Variants in NR2F1-AS1 observed in about 807,000 individuals in gnomAD.
The protein encoded by NR2F1-AS1 is NR2F1 antisense RNA 1.
At chr5:93,476,530 T>C (rs989806109) in intron 4 of NR2F1-AS1, among the ~76,000 whole-genome samples, 2 of 152,198 alleles carry the variant, frequency 1.3e-5, no homozygotes, top group Non-Finnish European at 2.9e-5. Flanking sequence ...TCCTGTGAAA[T>C]GGTTCTAATT....
intron 4 of NR2F1-AS1, among the ~76,000 whole-genome samples, chr5:93,454,714 G>T (rs1049861098): frequency 6.6e-6 from 1 of 152,148 alleles, no homozygotes; most frequent in African/African-American, 2.4e-5. Flanking sequence ...GGGGAAAGGG[G>T]TTAAAAGTTG....
intron 4 of NR2F1-AS1, among the ~76,000 whole-genome samples, chr5:93,482,078 A>G (rs1750611808): frequency 6.6e-6 from 1 of 152,164 alleles, no homozygotes; most frequent in African/African-American, 2.4e-5. Flanking sequence ...AAAGGAGAAA[A>G]ACTATAGAGA....
intron 4 of NR2F1-AS1, among the ~76,000 whole-genome samples, chr5:93,474,869 A>C (rs547473543): frequency 6.6e-6 from 1 of 152,218 alleles, no homozygotes; most frequent in East Asian, 1.9e-4. Context: ...TCACGCCTGT[A>C]AATCCCAGCA....
At chr5:93,560,998 G>A (rs1421304863) in intron 2 of NR2F1-AS1, among the ~76,000 whole-genome samples, 1 of 152,234 alleles carries the variant, frequency 6.6e-6, no homozygotes, top group Non-Finnish European at 1.5e-5. Flanking sequence ...TGATGGCCGG[G>A]CATGGTGGCT....
chr5:93,532,524 C>A, intron 4 of NR2F1-AS1, among the ~76,000 whole-genome samples: 1 of 152,140 alleles, frequency 6.6e-6, no homozygotes, highest in East Asian at 1.9e-4. Context: ...GAAAGGCAGC[C>A]AAAGGCTTCA....
intron 4 of NR2F1-AS1, among the ~76,000 whole-genome samples, chr5:93,502,102 AG>A (rs1253339187): frequency 6.6e-6 from 1 of 152,196 alleles, no homozygotes; most frequent in East Asian, 1.9e-4. Context: ...CTGTTTTTTT[AG>A]ACATAATGTT....
At chr5:93,512,997 CT>C (rs2149891702) in intron 4 of NR2F1-AS1, among the ~76,000 whole-genome samples, 1 of 152,204 alleles carries the variant, frequency 6.6e-6, no homozygotes, top group African/African-American at 2.4e-5. Context: ...CTCTTGAGAA[CT>C]TTCACTAACA....
intron 3 of NR2F1-AS1, among the ~76,000 whole-genome samples, chr5:93,554,524 C>T (rs375916206): frequency 1.7e-4 from 26 of 152,092 alleles, no homozygotes; most frequent in African/African-American, 5.8e-4. Flanking sequence ...TACTGGAAGA[C>T]ATTGTTTGTA....
At chr5:93,438,404 TC>T (rs1749489183) in intron 4 of NR2F1-AS1, among the ~76,000 whole-genome samples, 1 of 152,186 alleles carries the variant, frequency 6.6e-6, no homozygotes, top group Admixed American at 6.5e-5. Context: ...TGACCATCAA[TC>T]TTGACTCCTG....
intron 4 of NR2F1-AS1, among the ~76,000 whole-genome samples, chr5:93,541,408 A>G (rs1050427771): frequency 3.3e-5 from 5 of 152,146 alleles, no homozygotes; most frequent in East Asian, 3.8e-4. Context: ...GTCTCCCTCA[A>G]TGGAAATCAA....
intron 4 of NR2F1-AS1, among the ~76,000 whole-genome samples, chr5:93,470,594 G>A (rs555141792): frequency 2.6e-5 from 4 of 151,386 alleles, no homozygotes; most frequent in African/African-American, 9.7e-5. Flanking sequence ...CCTTTAAAAC[G>A]GTATTTATGA....
chr5:93,444,569 A>G (rs1749651236), intron 4 of NR2F1-AS1, among the ~76,000 whole-genome samples: 1 of 152,236 alleles, frequency 6.6e-6, no homozygotes, highest in South Asian at 2.1e-4. Flanking sequence ...AGAGACCTAC[A>G]AAGAGATGTA....
exon 2 of NR2F1-AS1, chr5:93,563,396 G>C (rs2149921304): frequency 6.6e-6 from 1 of 152,272 alleles, no homozygotes; most frequent in South Asian, 2.1e-4. Flanking sequence ...TGTGGTCACG[G>C]AGAAAACAGG....
intron 4 of NR2F1-AS1, among the ~76,000 whole-genome samples, chr5:93,550,649 T>C (rs774143142): frequency 9.2e-5 from 14 of 152,178 alleles, no homozygotes; most frequent in Admixed American, 2.0e-4. Context: ...AAAAATAACA[T>C]CATCACTGTG....
chr5:93,524,670 C>T (rs1751574070), intron 4 of NR2F1-AS1, among the ~76,000 whole-genome samples: 2 of 152,128 alleles, frequency 1.3e-5, no homozygotes, highest in Non-Finnish European at 2.9e-5. Flanking sequence ...CTGCAGAAAC[C>T]CTACAAGCCA....
intron 4 of NR2F1-AS1, among the ~76,000 whole-genome samples, chr5:93,518,089 C>A (rs1374070049): frequency 1.3e-5 from 2 of 152,026 alleles, no homozygotes; most frequent in African/African-American, 2.4e-5. Context: ...GCCACTGTGC[C>A]CACCTTCTCT....
intron 4 of NR2F1-AS1, among the ~76,000 whole-genome samples, chr5:93,448,916 C>A (rs1025035680): frequency 2.6e-5 from 4 of 152,132 alleles, no homozygotes; most frequent in African/African-American, 9.7e-5. Flanking sequence ...TATCTGGGCA[C>A]CCTGTGGTAC....
intron 4 of NR2F1-AS1, among the ~76,000 whole-genome samples, chr5:93,464,279 A>T (rs987141255): frequency 5.9e-5 from 9 of 152,112 alleles, no homozygotes; most frequent in Non-Finnish European, 1.3e-4. Context: ...GCCATGTGAG[A>T]TGTGCCTTTT....
At chr5:93,475,815 C>A (rs576463873) in intron 4 of NR2F1-AS1, among the ~76,000 whole-genome samples, 2 of 152,278 alleles carry the variant, frequency 1.3e-5, no homozygotes, top group South Asian at 2.1e-4. Flanking sequence ...CTTGACCCCC[C>A]ACGTTCACTG....
Sources: gnomAD v4.1 joint callset for allele counts (sites outside exome capture counted in the v4.1 genomes callset) on GRCh38, gnomAD v4.1.1 for gene constraint, MANE v1.5 for transcripts, NCBI Gene and HGNC (gene_info 2026-07-23, HGNC 2026-07-21) for gene names.